Variants in ASH1L observed in about 807,000 individuals in gnomAD.
The protein encoded by ASH1L is histone-lysine N-methyltransferase ASH1L.
Under a neutral mutation model 269.0 loss-of-function variants are expected in ASH1L, and 23 were observed. The ratio of observed to expected loss-of-function variants is 0.09; its 90% CI spans 0.06 to 0.12. ASH1L has a LOEUF of 0.12. Among genes scored for constraint, ASH1L ranks in the 10% least tolerant of loss-of-function variants. The pLI, the probability that ASH1L is intolerant of heterozygous loss-of-function variation, is 1.00. For synonymous variants in ASH1L, 1,187 were observed against 1,253.5 expected, an observed-to-expected ratio of 0.95 and a Z score of 1.12; for missense variants, 2,912 against 3,567.8, an observed-to-expected ratio of 0.82 and a Z score of 4.68.
intron 21 of ASH1L, chr1:155,345,947 TCAGC>T: frequency 2.9e-6 from 1 of 342,754 alleles, no homozygotes; most frequent in Non-Finnish European, 5.6e-6. Flanking sequence ...TTCTCTTGCC[TCAGC>T]CACCCAAGTA....
At chr1:155,534,403 T>C (rs1284395343) in intron 1 of ASH1L, among the ~76,000 whole-genome samples, 1 of 150,506 alleles carries the variant, frequency 6.6e-6, no homozygotes, top group African/African-American at 2.5e-5. Context: ...AAGAGACATG[T>C]TAGATATTTG....
intron 2 of ASH1L, among the ~76,000 whole-genome samples, chr1:155,499,151 TGTTACTAGCA>T (rs1234094640): frequency 6.6e-6 from 1 of 152,054 alleles, no homozygotes; most frequent in African/African-American, 2.4e-5. Context: ...AGCCAAAACA[TGTTACTAGCA>T]TAATTTCTTA....
chr1:155,356,086 C>G (rs1048057807), intron 15 of ASH1L, among the ~76,000 whole-genome samples: 1 of 151,806 alleles, frequency 6.6e-6, no homozygotes, highest in Non-Finnish European at 1.5e-5. Flanking sequence ...GACAGGCATG[C>G]ACCACCATGC....
chr1:155,390,389 C>T (rs546793032), intron 7 of ASH1L, among the ~76,000 whole-genome samples: 2 of 152,244 alleles, frequency 1.3e-5, no homozygotes, highest in South Asian at 4.1e-4. Flanking sequence ...AATGGCTTCC[C>T]TAGTGAAGTC....
intron 10 of ASH1L, among the ~76,000 whole-genome samples, chr1:155,374,273 C>T (rs539232347): frequency 1.1e-3 from 166 of 151,780 alleles, no homozygotes; most frequent in African/African-American, 3.8e-3. Flanking sequence ...TGCAGTGAGC[C>T]GAGATGGTGC....
chr1:155,551,811 TAA>T (rs761600260), intron 1 of ASH1L, among the ~76,000 whole-genome samples: 17 of 102,316 alleles, frequency 1.7e-4, no homozygotes, highest in Admixed American at 2.1e-4. Flanking sequence ...CTACTAAAGA[TAA>T]AAAAAAAAAA....
chr1:155,368,463 C>CTT (rs200263572), intron 12 of ASH1L, among the ~76,000 whole-genome samples: 1 of 145,296 alleles, frequency 6.9e-6, no homozygotes, highest in Non-Finnish European at 1.5e-5. Flanking sequence ...TTTCTTTCTT[C>CTT]TTTTTTTTTT....
At chr1:155,469,340 G>A (rs1285660644) in intron 3 of ASH1L, among the ~76,000 whole-genome samples, 8 of 151,994 alleles carry the variant, frequency 5.3e-5, no homozygotes, top group Admixed American at 1.3e-4. Flanking sequence ...GTGCCACCAC[G>A]TCCGGCTATT....
intron 2 of ASH1L, among the ~76,000 whole-genome samples, chr1:155,509,298 C>T (rs1444993613): frequency 6.6e-6 from 1 of 152,060 alleles, no homozygotes; most frequent in Non-Finnish European, 1.5e-5. Flanking sequence ...TTCAAGGTTA[C>T]AGTGAGCTAT....
chr1:155,527,946 G>A lies in ASH1L; in HGVS notation c.-99-6328C>T, dbSNP rs561770987. Among the ~76,000 whole-genome samples, 12 of 152,090 alleles carry A rather than the reference G, an allele frequency of 7.9e-5. No homozygotes were observed. In the East Asian group the frequency reaches 1.9e-3, roughly 24 times the overall value. On this transcript the variant is annotated intron_variant, in intron 1 of 27. Coordinates refer to ENST00000392403, the MANE Select transcript of ASH1L (RefSeq NM_018489.3). ...CATGACCTTTAAATACTGGAGTGAC[G>A]CAGGGTACCCGGACCTCTTCCTTTT...
intron 1 of ASH1L, among the ~76,000 whole-genome samples, chr1:155,529,479 T>C (rs368239704): frequency 1.3e-5 from 2 of 152,170 alleles, no homozygotes; most frequent in African/African-American, 4.8e-5. Flanking sequence ...GTTGGCTGCA[T>C]GTATGTCTTC....
At chr1:155,547,925 G>A (rs552347236) in intron 1 of ASH1L, among the ~76,000 whole-genome samples, 1 of 152,302 alleles carries the variant, frequency 6.6e-6, no homozygotes, top group East Asian at 1.9e-4. Context: ...GCAGTAAGCC[G>A]AGATCGCACT....
intron 4 of ASH1L, among the ~76,000 whole-genome samples, chr1:155,439,677 A>C (rs1266961510): frequency 6.6e-6 from 1 of 152,116 alleles, no homozygotes. Context: ...CGACAGAGCG[A>C]GACCCTGTCT....
intron 5 of ASH1L, among the ~76,000 whole-genome samples, chr1:155,422,908 C>A (rs1660822487): frequency 6.6e-6 from 1 of 151,246 alleles, no homozygotes; most frequent in Non-Finnish European, 1.5e-5. Context: ...CTCGGCCTCC[C>A]AAAGTGCTGG....
At chr1:155,523,848 G>A (rs1381316778) in intron 1 of ASH1L, among the ~76,000 whole-genome samples, 1 of 152,080 alleles carries the variant, frequency 6.6e-6, no homozygotes, top group Non-Finnish European at 1.5e-5. Flanking sequence ...TCCAGGCCAG[G>A]TGACAGAGCA....
At chr1:155,399,351 C>T (rs1037928289) in intron 6 of ASH1L, among the ~76,000 whole-genome samples, 21 of 152,160 alleles carry the variant, frequency 1.4e-4, no homozygotes, top group African/African-American at 4.3e-4. Context: ...ACTTTGAGGC[C>T]GGGAGCAGTG....
intron 5 of ASH1L, among the ~76,000 whole-genome samples, chr1:155,432,256 A>G (rs1268487547): frequency 6.6e-6 from 1 of 152,210 alleles, no homozygotes; most frequent in African/African-American, 2.4e-5. Flanking sequence ...TTTAAATAAC[A>G]GATGAAGCCT....
In ASH1L at chr1:155,480,747, G is replaced by A; in HGVS notation, c.2123C>T (p.Pro708Leu). ...TTTTCTTCCTTTTCTTTTTTTTAAT[G>A]GTTTGGACTGCAAACTAGTACTTAG... ...ESLSTSLQSKPLKKRKGRKPR... is the reference protein window; with the variant it reads ...ESLSTSLQSKLLKKRKGRKPR... The change falls in exon 3 of 28, where the codon CCA becomes CTA. Residue 708 changes from proline to leucine, a missense_variant. Pro to Leu is a moderately conservative substitution (Grantham distance 98, BLOSUM62 -3). This residue lies in a region of ASH1L where 715 missense variants were observed against 721.0 expected (regional missense o/e 0.99). Coordinates refer to ENST00000392403, the MANE Select transcript of ASH1L (RefSeq NM_018489.3). 1 of 1,613,590 alleles carries A rather than the reference G, an allele frequency of 6.2e-7. No homozygotes were observed. The highest frequency in any genetic ancestry group is 1.1e-5 in the South Asian group (1 of 91,068).
intron 4 of ASH1L, among the ~76,000 whole-genome samples, chr1:155,441,765 CT>C (rs543915802): frequency 3.3e-3 from 414 of 125,426 alleles, no homozygotes; most frequent in Non-Finnish European, 4.5e-3. Flanking sequence ...TGCGCCTGGC[CT>C]TTTTTTTTTT....
Sources: gnomAD v4.1 joint callset for allele counts (sites outside exome capture counted in the v4.1 genomes callset) on GRCh38, gnomAD v4.1.1 for gene constraint, gnomAD v4.1.1 regional missense constraint, MANE v1.5 for transcripts, NCBI Gene and HGNC (gene_info 2026-07-23, HGNC 2026-07-21) for gene names.